PPP1R12B: variants seen among roughly 807,000 people sequenced by gnomAD.
The protein encoded by PPP1R12B is protein phosphatase 1 regulatory subunit 12B, also known as myosin phosphatase target subunit 2.
In PPP1R12B, 76 loss-of-function variants were observed where a neutral mutation model predicts 126.1. The ratio of observed to expected loss-of-function variants is 0.60; its 90% CI spans 0.50 to 0.73. PPP1R12B has a LOEUF of 0.73. PPP1R12B is among the 30% of genes least tolerant of loss of function. The probability of loss-of-function intolerance (pLI) is 0.00; values close to 1 mark genes in which losing one functional copy is unlikely to be tolerated. For synonymous variants in PPP1R12B, 356 were observed against 434.7 expected (o/e 0.82, Z 2.25); for missense variants, 1,052 against 1,205.1 (o/e 0.87, Z 1.88).
At chr1:202,494,922 C>T (rs1679352227) in intron 15 of PPP1R12B, among the ~76,000 whole-genome samples, 2 of 152,060 alleles carry the variant, frequency 1.3e-5, no homozygotes, top group Non-Finnish European at 2.9e-5. Flanking sequence ...CCTACATAAA[C>T]CTTGCCTTTC....
rs1004871262 is a variant in PPP1R12B, at chr1:202,582,309, C to T, written c.*1749C>T. On this transcript the variant is annotated 3_prime_UTR_variant, in exon 24 of 24. Transcript: ENST00000608999. Reference sequence around the variant, plus strand: ...ATCATGTCCAGGCCTGGAAAGAATACAAATCCAGTGCAAAATTAAACCATT... The same window carrying T: ...ATCATGTCCAGGCCTGGAAAGAATATAAATCCAGTGCAAAATTAAACCATT... 2.0e-5 allele frequency: 3 copies of T among 152,648 alleles called. No individual in the cohort carries two copies. The highest frequency in any genetic ancestry group is 7.2e-5 in the African/African-American group (3 of 41,444). 9.5% of individuals were successfully genotyped at this position (152,648 alleles called of 1,614,324 possible).
At chr1:202,352,631 G>A (rs1330474118) in intron 1 of PPP1R12B, among the ~76,000 whole-genome samples, 2 of 152,178 alleles carry the variant, frequency 1.3e-5, no homozygotes, top group Non-Finnish European at 2.9e-5. Flanking sequence ...GCTCACGCTT[G>A]TAATCCCACC....
Position 202,401,417 on chromosome 1 carries a change from C to G in PPP1R12B, c.292-15370C>G, listed in dbSNP as rs377664822. On this transcript the variant is annotated intron_variant, in intron 1 of 23. Transcript: ENST00000608999. ...TAGAGATAGATTCTTGCCACATTGC[C>G]CAGGCTGGTCTTGAACTCCTGCCCT... Among the ~76,000 whole-genome samples, 23 of 114,518 alleles carry G rather than the reference C, an allele frequency of 2.0e-4. No homozygotes were observed. The East Asian group carries it at 4.9e-3, about 25-fold the overall frequency. The allele number at this position is 114,518 out of a possible 152,430, so 75.1% of individuals were successfully genotyped here. A position where few individuals can be genotyped will look rare whatever the true frequency, so the allele number is the denominator to read the frequency against.
chr1:202,523,166 T>C (rs1682952800), intron 18 of PPP1R12B, among the ~76,000 whole-genome samples: 1 of 152,248 alleles, frequency 6.6e-6, no homozygotes, highest in African/African-American at 2.4e-5. Context: ...TGCCAGATAT[T>C]GTTCGAGGTT....
intron 9 of PPP1R12B, among the ~76,000 whole-genome samples, chr1:202,437,618 C>T (rs545689760): frequency 5.9e-4 from 90 of 152,212 alleles, no homozygotes; most frequent in African/African-American, 2.0e-3. Flanking sequence ...CTATTTTTGG[C>T]TTAGGAAGAA....
intron 1 of PPP1R12B, among the ~76,000 whole-genome samples, chr1:202,381,397 GGTGTGTGT>G (rs773680210): frequency 8.6e-5 from 2 of 23,278 alleles, no homozygotes; most frequent in African/African-American, 2.2e-4. Context: ...TGAGCTTTGG[GGTGTGTGT>G]GTGTGTGTGT....
At chr1:202,546,184 C>G (rs1685636859) in intron 18 of PPP1R12B, among the ~76,000 whole-genome samples, 1 of 152,068 alleles carries the variant, frequency 6.6e-6, no homozygotes, top group Admixed American at 6.6e-5. Flanking sequence ...TACAGAGAAG[C>G]ATTCAGTTGT....
Position 202,544,144 on chromosome 1 carries a change from T to C in PPP1R12B, c.2491-14733T>C, listed in dbSNP as rs372834474. 7.2e-5 allele frequency among the ~76,000 whole-genome samples: 11 copies of C among 152,290 alleles called. No individual in the cohort carries two copies. The South Asian group carries it at 1.2e-3, about 17-fold the overall frequency. On this transcript the variant is annotated intron_variant, in intron 18 of 23. Coordinates refer to ENST00000608999, the MANE Select transcript of PPP1R12B (RefSeq NM_002481.4). ...CTCATACCACGAAACAACCCTAATA[T>C]AAGATGCTGGGTTCATACAATTAGT...
At chr1:202,400,354 T>C (rs543550441) in intron 1 of PPP1R12B, among the ~76,000 whole-genome samples, 1 of 152,358 alleles carries the variant, frequency 6.6e-6, no homozygotes, top group South Asian at 2.1e-4. Flanking sequence ...AGACTCTGCA[T>C]ACAAGGAGTC....
intron 13 of PPP1R12B, among the ~76,000 whole-genome samples, chr1:202,485,457 AG>A (rs1374649752): frequency 6.6e-6 from 1 of 151,968 alleles, no homozygotes; most frequent in Non-Finnish European, 1.5e-5. Flanking sequence ...CTCTAGGCAA[AG>A]TTAACTGTAT....
At chr1:202,519,768 A>G (rs963489604) in intron 18 of PPP1R12B, among the ~76,000 whole-genome samples, 1 of 152,244 alleles carries the variant, frequency 6.6e-6, no homozygotes. Flanking sequence ...TTATCTACAC[A>G]TATATCTGGT....
rs181622044 is a variant in PPP1R12B at position 202,416,714 on chromosome 1, C to T, written c.292-73C>T. The T allele has an allele frequency of 8.7e-5, 121 of 1,387,998 alleles. No individual in the cohort carries two copies. In the East Asian group the frequency reaches 2.2e-3, roughly 25 times the overall value. 86.0% of individuals were successfully genotyped at this position (1,387,998 alleles called of 1,614,324 possible). ...TAGAACTGCTGGGCATTGTCAGTGCCCAGAGCAGTGTCTGGCACATAGTGG... is the reference window on the plus strand; with the variant it reads ...TAGAACTGCTGGGCATTGTCAGTGCTCAGAGCAGTGTCTGGCACATAGTGG... On this transcript the variant is annotated intron_variant, in intron 1 of 23. Coordinates refer to ENST00000608999, the MANE Select transcript of PPP1R12B (RefSeq NM_002481.4).
rs3767396 is a variant in PPP1R12B at position 202,566,669 on chromosome 1, G to A, written c.2758-1109G>A. ...AACAAGCTGTAGGATCTATTTTTGC[G>A]TTTTTTTCTCTTCCTTCTGCTTCAT... On this transcript the variant is annotated intron_variant, in intron 21 of 23. Transcript: ENST00000608999. 6.8e-4 allele frequency among the ~76,000 whole-genome samples: 104 copies of A among 152,164 alleles called. 2 individuals are homozygous for A. The East Asian group carries it at 0.014, about 20-fold the overall frequency.
chr1:202,358,676 C>T (rs1241112204), intron 1 of PPP1R12B, among the ~76,000 whole-genome samples: 1 of 130,648 alleles, frequency 7.7e-6, no homozygotes, highest in African/African-American at 2.7e-5. Context: ...AGCGAGACTC[C>T]GTCTCAAAAA....
intron 19 of PPP1R12B, among the ~76,000 whole-genome samples, chr1:202,559,193 A>C (rs544848251): frequency 6.6e-6 from 1 of 152,282 alleles, no homozygotes; most frequent in Non-Finnish European, 1.5e-5. Context: ...GGTATTAGGG[A>C]AACAACATGA....
At chr1:202,505,759 C>T (rs1366631171) in intron 18 of PPP1R12B, among the ~76,000 whole-genome samples, 1 of 151,848 alleles carries the variant, frequency 6.6e-6, no homozygotes, top group Non-Finnish European at 1.5e-5. Flanking sequence ...TACATAACAA[C>T]CAAAATCTAT....
intron 1 of PPP1R12B, among the ~76,000 whole-genome samples, chr1:202,353,835 A>G (rs1656526270): frequency 6.7e-6 from 1 of 150,360 alleles, no homozygotes. Flanking sequence ...CTGATCTTGA[A>G]CTCCTGGGCT....
intron 10 of PPP1R12B, chr1:202,438,368 G>A (rs1358569911): frequency 4.7e-5 from 39 of 830,270 alleles, no homozygotes; most frequent in Non-Finnish European, 7.1e-5. Flanking sequence ...CCTGGATCCA[G>A]AGGGCCAATT....
At chr1:202,440,443 A>C (rs112503217) in intron 10 of PPP1R12B, among the ~76,000 whole-genome samples, 1 of 152,198 alleles carries the variant, frequency 6.6e-6, no homozygotes, top group South Asian at 2.1e-4. Context: ...GCTGCTTTGC[A>C]TAATTTGTGC....
Sources: gnomAD v4.1 joint callset for allele counts (sites outside exome capture counted in the v4.1 genomes callset) on GRCh38, gnomAD v4.1.1 for gene constraint, MANE v1.5 for transcripts, NCBI Gene and HGNC (gene_info 2026-07-23, HGNC 2026-07-21) for gene names.